The following ZC2HC1A variants were observed in gnomAD, a reference collection of about 807,000 sequenced individuals.
ZC2HC1A encodes the protein zinc finger C2HC domain-containing protein 1A.
ZC2HC1A carries 28 observed loss-of-function variants against 40.7 expected under a neutral mutation model. That is an observed-to-expected ratio of 0.69 (90% CI 0.51 to 0.94). ZC2HC1A has a LOEUF of 0.94. ZC2HC1A is among the 40% of genes least tolerant of loss of function. ZC2HC1A has a pLI of 0.00. For missense variants in ZC2HC1A, 389 were observed against 386.3 expected, an observed-to-expected ratio of 1.01 and a Z score of -0.06; for synonymous variants, 129 against 129.2, an observed-to-expected ratio of 1.00 and a Z score of 0.01.
At chr8:78,694,305 T>G (rs1810326307) in intron 5 of ZC2HC1A, among the ~76,000 whole-genome samples, 2 of 151,438 alleles carry the variant, frequency 1.3e-5, no homozygotes, top group African/African-American at 2.4e-5. Flanking sequence ...TTTTTCTCAT[T>G]CAGTTTCCTT....
intron 1 of ZC2HC1A, among the ~76,000 whole-genome samples, chr8:78,674,600 G>A (rs1809521306): frequency 6.6e-6 from 1 of 152,138 alleles, no homozygotes; most frequent in South Asian, 2.1e-4. Context: ...CTTTTGTAGT[G>A]TTGACTGCTT....
intron 7 of ZC2HC1A, among the ~76,000 whole-genome samples, chr8:78,702,448 T>G (rs1373735574): frequency 6.6e-6 from 1 of 152,194 alleles, no homozygotes; most frequent in Non-Finnish European, 1.5e-5. Flanking sequence ...TGAATGGTTT[T>G]TCATGTATCT....
At chr8:78,666,570 G>A (rs908505016) in intron 1 of ZC2HC1A, among the ~76,000 whole-genome samples, 1 of 152,118 alleles carries the variant, frequency 6.6e-6, no homozygotes, top group Non-Finnish European at 1.5e-5. Flanking sequence ...AGGCCACTTT[G>A]TGCTGCAGCC....
In ZC2HC1A at chr8:78,694,198, A is replaced by C. The variant is rs548735406; in HGVS notation, c.505-3209A>C. Among the ~76,000 whole-genome samples, 22 of 150,924 alleles carry C rather than the reference A, an allele frequency of 1.5e-4. No homozygotes were observed. In the South Asian group the frequency reaches 4.4e-3, roughly 30 times the overall value. On this transcript the variant is annotated intron_variant, in intron 5 of 8. Transcript: ENST00000263849. Reference sequence around the variant, plus strand: ...ATTAATATTTTCATAGTTGTCTGCTATTTCTTTAAATGTAGTACTCATAGT... The same window carrying C: ...ATTAATATTTTCATAGTTGTCTGCTCTTTCTTTAAATGTAGTACTCATAGT...
chr8:78,675,299 A>G (rs1272009546), intron 1 of ZC2HC1A, among the ~76,000 whole-genome samples: 1 of 151,954 alleles, frequency 6.6e-6, no homozygotes, highest in Non-Finnish European at 1.5e-5. Flanking sequence ...GGTGATCTTA[A>G]TCTTATAGCA....
chr8:78,677,685 C>T (rs1037681703), intron 2 of ZC2HC1A, among the ~76,000 whole-genome samples: 2 of 151,652 alleles, frequency 1.3e-5, no homozygotes, highest in African/African-American at 4.8e-5. Flanking sequence ...GACTTTGTTA[C>T]TTTTTCTTAT....
Position 78,717,333 on chromosome 8 carries a change from A to T in ZC2HC1A, c.818A>T (p.Asp273Val), listed in dbSNP as rs761621155. ...TTGTTTCTTTACTTTTTTAGGCCAG[A>T]TGGGGACTGTGCATCTTCCCTTAAT... ...TYTESYIARP[D>V]GDCASSLNGG... The change falls in exon 9 of 9, where the codon GAT (aspartate) becomes GTT (valine). Residue 273 changes from aspartate to valine, a missense_variant. Coordinates refer to ENST00000263849, the MANE Select transcript of ZC2HC1A (RefSeq NM_016010.3). 45 of 1,606,808 alleles carry T rather than the reference A, an allele frequency of 2.8e-5. No individual in the cohort carries two copies. Among genetic ancestry groups the T allele is most frequent in the Middle Eastern group, 3.3e-4 (2 of 6,044 alleles).
At chr8:78,697,752 C>T (rs1371747542) in intron 6 of ZC2HC1A, among the ~76,000 whole-genome samples, 1 of 149,938 alleles carries the variant, frequency 6.7e-6, no homozygotes, top group Non-Finnish European at 1.5e-5. Flanking sequence ...AATCTCAGCT[C>T]ACTGCAACCT....
intron 5 of ZC2HC1A, 21 bp downstream of exon 5, chr8:78,689,394 T>A: frequency 6.5e-7 from 1 of 1,543,356 alleles, no homozygotes; most frequent in Non-Finnish European, 8.7e-7. Flanking sequence ...TTTTAATAAT[T>A]GCTATAAACG....
chr8:78,698,288 T>C, intron 6 of ZC2HC1A, 126 bp from the exon 7 acceptor site: 1 of 720,492 alleles, frequency 1.4e-6, no homozygotes, highest in South Asian at 2.2e-5. Flanking sequence ...TTAAAAAATG[T>C]CTTCAATGAA....
At chr8:78,709,303 G>A (rs1810881410) in intron 7 of ZC2HC1A, among the ~76,000 whole-genome samples, 1 of 152,140 alleles carries the variant, frequency 6.6e-6, no homozygotes, top group African/African-American at 2.4e-5. Context: ...AGAAGTAAAT[G>A]TCTTTAGTTT....
At chr8:78,668,482 G>T (rs771896878) in intron 1 of ZC2HC1A, among the ~76,000 whole-genome samples, 5 of 152,054 alleles carry the variant, frequency 3.3e-5, no homozygotes, top group Admixed American at 2.6e-4. Context: ...TATAAAACAA[G>T]AAAATATATG....
intron 7 of ZC2HC1A, among the ~76,000 whole-genome samples, chr8:78,709,371 T>A (rs1433514434): frequency 6.6e-6 from 1 of 152,196 alleles, no homozygotes; most frequent in Non-Finnish European, 1.5e-5. Flanking sequence ...AGTCTTTTGA[T>A]GTGTGTGAAA....
chr8:78,695,447 T>C (rs1187597520), intron 5 of ZC2HC1A, among the ~76,000 whole-genome samples: 1 of 152,224 alleles, frequency 6.6e-6, no homozygotes, highest in African/African-American at 2.4e-5. Flanking sequence ...CAATATGTAA[T>C]AGGCCACATC....
intron 1 of ZC2HC1A, among the ~76,000 whole-genome samples, chr8:78,673,807 T>G (rs1186701168): frequency 6.6e-6 from 1 of 152,162 alleles, no homozygotes; most frequent in Non-Finnish European, 1.5e-5. Context: ...ATATATGTGT[T>G]TTATATATAT....
intron 2 of ZC2HC1A, 84 bp from the exon 3 acceptor site, chr8:78,678,479 A>G: frequency 1.0e-6 from 1 of 979,574 alleles, no homozygotes; most frequent in Non-Finnish European, 1.5e-6. Flanking sequence ...CAGATTTTTA[A>G]ACTGGTCTCA....
At chr8:78,690,687 G>C (rs1009084210) in intron 5 of ZC2HC1A, among the ~76,000 whole-genome samples, 1 of 151,946 alleles carries the variant, frequency 6.6e-6, no homozygotes, top group Non-Finnish European at 1.5e-5. Context: ...AAATCAATTT[G>C]AGAAGAATTG....
chr8:78,671,055 A>G (rs77273662), intron 1 of ZC2HC1A, among the ~76,000 whole-genome samples: 382 of 152,358 alleles, frequency 2.5e-3, no homozygotes, highest in Non-Finnish European at 4.7e-3. Context: ...ACTTACCAGC[A>G]GTGAGGAGAT....
intron 5 of ZC2HC1A, 149 bp from the exon 6 acceptor site, chr8:78,697,258 T>C: frequency 1.6e-6 from 1 of 609,338 alleles, no homozygotes; most frequent in Admixed American, 3.4e-5. Flanking sequence ...ATTAATGATG[T>C]GCAACCATCA....
Sources: allele counts gnomAD v4.1 joint callset (sites outside exome capture counted in the v4.1 genomes callset), GRCh38; gene constraint gnomAD v4.1.1; transcripts MANE v1.5; gene names NCBI Gene and HGNC (gene_info 2026-07-23, HGNC 2026-07-21).